FAF1: variants seen among roughly 807,000 people sequenced by gnomAD.
FAF1 encodes the protein Fas associated factor 1, also known as FAS-associated factor 1.
In FAF1, 25 loss-of-function variants were observed where a neutral mutation model predicts 92.5. That is an observed-to-expected ratio of 0.27 (90% CI 0.20 to 0.38). FAF1 has a LOEUF of 0.38. Among genes scored for constraint, FAF1 ranks in the 10% least tolerant of loss-of-function variants. FAF1 has a pLI of 1.00. For missense variants in FAF1, 636 were observed against 793.3 expected (o/e 0.80, Z 2.38); for synonymous variants, 234 against 273.2 (o/e 0.86, Z 1.42).
At chr1:50,710,425 T>C (rs906495875) in intron 6 of FAF1, among the ~76,000 whole-genome samples, 1 of 152,202 alleles carries the variant, frequency 6.6e-6, no homozygotes, top group Admixed American at 6.5e-5. Context: ...GTTTCACTAC[T>C]TGCTAGTTCT....
At chr1:50,585,992 G>A (rs1651214913) in intron 9 of FAF1, among the ~76,000 whole-genome samples, 1 of 151,888 alleles carries the variant, frequency 6.6e-6, no homozygotes, top group African/African-American at 2.4e-5. Flanking sequence ...GGTCAAGGTT[G>A]CAGTGAGCCT....
At chr1:50,512,890 ACTGT>A (rs1425956145) in intron 15 of FAF1, among the ~76,000 whole-genome samples, 4 of 151,944 alleles carry the variant, frequency 2.6e-5, no homozygotes, top group African/African-American at 7.3e-5. Flanking sequence ...TTTTATTTTC[ACTGT>A]CTATCTATTG....
chr1:50,475,733 A>G lies in FAF1; in HGVS notation c.1654-54T>C, dbSNP rs985188290. On this transcript the variant is annotated intron_variant, in intron 17 of 18. Transcript: ENST00000396153. ...ATGTGAGAAGGACTGGACTATGGAG[A>G]GTGGGGAGGAAGACACCAGAAAAAA... 2.2e-5 allele frequency: 27 copies of G among 1,222,528 alleles called. No homozygotes were observed. In the Admixed American group the frequency reaches 4.5e-4, roughly 21 times the overall value. The allele number at this position is 1,222,528 out of a possible 1,614,324, so 75.7% of individuals were successfully genotyped here.
intron 12 of FAF1, among the ~76,000 whole-genome samples, chr1:50,569,384 C>T (rs1281831346): frequency 6.6e-6 from 1 of 152,160 alleles, no homozygotes; most frequent in East Asian, 1.9e-4. Flanking sequence ...AACAAGAACA[C>T]TGATACAAGC....
intron 1 of FAF1, among the ~76,000 whole-genome samples, chr1:50,938,174 A>G (rs368263847): frequency 2.6e-5 from 4 of 152,220 alleles, no homozygotes; most frequent in African/African-American, 7.2e-5. Context: ...AGAACATCCT[A>G]TCTGACATTA....
chr1:50,951,056 C>T (rs2124762467), intron 1 of FAF1, among the ~76,000 whole-genome samples: 1 of 152,294 alleles, frequency 6.6e-6, no homozygotes. Context: ...CATGGTGAAA[C>T]CCCATCTCCA....
chr1:50,470,009 G>A (rs1261005434), intron 18 of FAF1, among the ~76,000 whole-genome samples: 1 of 152,098 alleles, frequency 6.6e-6, no homozygotes, highest in Non-Finnish European at 1.5e-5. Context: ...CTTATTTTGA[G>A]AACAAAGCTT....
intron 1 of FAF1, among the ~76,000 whole-genome samples, chr1:50,864,753 G>C (rs2124673837): frequency 6.6e-6 from 1 of 152,196 alleles, no homozygotes; most frequent in East Asian, 1.9e-4. Flanking sequence ...GAAAACCTAG[G>C]CATTACCATT....
At chr1:50,447,219 G>A (rs966781876) in intron 18 of FAF1, among the ~76,000 whole-genome samples, 2 of 142,714 alleles carry the variant, frequency 1.4e-5, no homozygotes, top group Non-Finnish European at 3.0e-5. Context: ...TCCGCCTCCC[G>A]GGTTCATGCC....
intron 3 of FAF1, among the ~76,000 whole-genome samples, chr1:50,795,875 A>T (rs2124584473): frequency 6.6e-6 from 1 of 152,202 alleles, no homozygotes; most frequent in South Asian, 2.1e-4. Flanking sequence ...ACTGGTCCTG[A>T]TTACCAAGAA....
intron 7 of FAF1, among the ~76,000 whole-genome samples, chr1:50,665,234 A>AAT (rs1655567694): frequency 1.3e-5 from 2 of 152,236 alleles, no homozygotes; most frequent in Non-Finnish European, 2.9e-5. Flanking sequence ...ATAACACTTT[A>AAT]AAGATTGGAC....
intron 2 of FAF1, among the ~76,000 whole-genome samples, chr1:50,847,958 C>G (rs531465661): frequency 1.3e-4 from 20 of 151,806 alleles, no homozygotes; most frequent in Non-Finnish European, 2.6e-4. Flanking sequence ...AAAGAAACAT[C>G]TTAAAAAAGG....
chr1:50,891,974 G>A (rs1203410499), intron 1 of FAF1, among the ~76,000 whole-genome samples: 1 of 152,334 alleles, frequency 6.6e-6, no homozygotes, highest in East Asian at 1.9e-4. Flanking sequence ...TACAGAGGCA[G>A]GCAGGCCTCC....
intron 6 of FAF1, among the ~76,000 whole-genome samples, chr1:50,735,141 T>C (rs1039728810): frequency 6.6e-6 from 1 of 152,212 alleles, no homozygotes; most frequent in African/African-American, 2.4e-5. Context: ...GGACACAGCT[T>C]GTTTTTATTA....
intron 7 of FAF1, among the ~76,000 whole-genome samples, chr1:50,682,856 G>T (rs1282870081): frequency 6.6e-6 from 1 of 151,992 alleles, no homozygotes; most frequent in Non-Finnish European, 1.5e-5. Context: ...CACTTTGGGA[G>T]GAAAAGGAGG....
intron 15 of FAF1, among the ~76,000 whole-genome samples, chr1:50,509,852 C>G (rs1647110447): frequency 6.6e-6 from 1 of 151,402 alleles, no homozygotes; most frequent in Non-Finnish European, 1.5e-5. Flanking sequence ...GCTTCCAACA[C>G]TGATCAATTT....
At chr1:50,573,418 T>C (rs1394644035) in intron 12 of FAF1, among the ~76,000 whole-genome samples, 1 of 152,020 alleles carries the variant, frequency 6.6e-6, no homozygotes, top group African/African-American at 2.4e-5. Flanking sequence ...ATTTTAAATA[T>C]ACGTGAGAGT....
At chr1:50,890,736 T>C (rs868234451) in intron 1 of FAF1, among the ~76,000 whole-genome samples, 42 of 152,236 alleles carry the variant, frequency 2.8e-4, no homozygotes, top group African/African-American at 1.0e-3. Flanking sequence ...GATCCCCTGT[T>C]AGTCTGATGG....
chr1:50,490,557 T>C (rs2149008670), intron 17 of FAF1, 31 bp downstream of exon 17: 1 of 813,462 alleles, frequency 1.2e-6, no homozygotes, highest in Non-Finnish European at 1.8e-6. Flanking sequence ...AACCCAGCTT[T>C]TGAATAACTT....
Sources: allele counts gnomAD v4.1 joint callset (sites outside exome capture counted in the v4.1 genomes callset), GRCh38; gene constraint gnomAD v4.1.1; transcripts MANE v1.5; gene names NCBI Gene and HGNC (gene_info 2026-07-23, HGNC 2026-07-21).